AKAP10: variants seen among roughly 807,000 people sequenced by gnomAD.
AKAP10 encodes A-kinase anchoring protein 10.
AKAP10 carries 24 observed loss-of-function variants against 80.8 expected under a neutral mutation model. That is an observed-to-expected ratio of 0.30 (90% CI 0.22 to 0.42). The LOEUF is 0.42. AKAP10 is among the 10% of genes least tolerant of loss of function. The pLI is 1.00. For synonymous variants in AKAP10, 291 were observed against 277.7 expected (o/e 1.05, Z -0.48); for missense variants, 661 against 794.9 (o/e 0.83, Z 2.03).
chr17:19,944,643 C>T (rs1021939484), intron 5 of AKAP10, among the ~76,000 whole-genome samples: 6 of 152,160 alleles, frequency 3.9e-5, no homozygotes, highest in African/African-American at 1.4e-4. Context: ...GAGAGTGAGA[C>T]TCCGTCTCAA....
chr17:19,943,674 A>G (rs1452190865), intron 5 of AKAP10, among the ~76,000 whole-genome samples: 1 of 152,252 alleles, frequency 6.6e-6, no homozygotes, highest in African/African-American at 2.4e-5. Flanking sequence ...GAGCTGCTCT[A>G]GCAAATTTAT....
At chr17:19,939,592 T>A in intron 8 of AKAP10, 121 bp downstream of exon 8, 1 of 1,192,486 alleles carries the variant, frequency 8.4e-7, no homozygotes, top group African/African-American at 1.6e-5. Flanking sequence ...TAAAAGCAGC[T>A]TTTATGCTGC....
intron 12 of AKAP10, among the ~76,000 whole-genome samples, chr17:19,911,194 G>T (rs1022737799): frequency 6.6e-6 from 1 of 152,040 alleles, no homozygotes; most frequent in Non-Finnish European, 1.5e-5. Context: ...CTGCATGAAG[G>T]CTCAACTGGC....
intron 2 of AKAP10, among the ~76,000 whole-genome samples, chr17:19,967,307 TAAAC>T (rs1030191699): frequency 2.0e-5 from 3 of 152,024 alleles, no homozygotes; most frequent in African/African-American, 4.8e-5. Context: ...CAACAAAAAA[TAAAC>T]AAAATATATT....
At chr17:19,950,339 G>A (rs2043185548) in intron 4 of AKAP10, among the ~76,000 whole-genome samples, 2 of 152,244 alleles carry the variant, frequency 1.3e-5, no homozygotes, top group Admixed American at 6.5e-5. Context: ...GTCTCCCTCT[G>A]ATGCCACCAA....
At chr17:19,928,747 A>G (rs169414) in intron 10 of AKAP10, among the ~76,000 whole-genome samples, 64,978 of 151,812 alleles carry the variant, frequency 0.43, 14,741 homozygotes, top group African/African-American at 0.58. Flanking sequence ...GTGCGTGCCT[A>G]TAGTCCCAGA....
chr17:19,919,555 G>A (rs1597491905), intron 12 of AKAP10, among the ~76,000 whole-genome samples: 2 of 151,694 alleles, frequency 1.3e-5, no homozygotes, highest in African/African-American at 2.4e-5. Context: ...GTGGTGGTGC[G>A]CACTTGTAGT....
intron 5 of AKAP10, among the ~76,000 whole-genome samples, chr17:19,946,237 T>TTATATA (rs1171891537): frequency 3.4e-3 from 51 of 15,122 alleles, no homozygotes; most frequent in Non-Finnish European, 3.9e-3. Context: ...TATATATATA[T>TTATATA]TATATATATA....
At chr17:19,909,117 CT>C (rs969732093) in intron 14 of AKAP10, 63 bp downstream of exon 14, 3 of 1,438,858 alleles carry the variant, frequency 2.1e-6, no homozygotes, top group Non-Finnish European at 2.8e-6. Flanking sequence ...CCCTTATGTT[CT>C]TTTTTATTTT....
In AKAP10 at chr17:19,910,325, C is replaced by CAAAAAAAA. The variant is rs3031068; in HGVS notation, c.1835-355_1835-348dup. The stretch of plus-strand genomic sequence containing the variant: ...TGGGCAACAGAGCGAGACTCCAACT[C>CAAAAAAAA]AAAAAAAAAAAAAAAAACCACTATC... On this transcript the variant is annotated intron_variant, in intron 12 of 14. Coordinates refer to ENST00000225737, the MANE Select transcript of AKAP10 (RefSeq NM_007202.4). Among the ~76,000 whole-genome samples the CAAAAAAAA allele has an allele frequency of 4.7e-3, 426 of 90,604 alleles. 14 individuals are homozygous for CAAAAAAAA. The highest frequency in any genetic ancestry group is 0.019 in the Middle Eastern group (3 of 154). 59.4% of individuals were successfully genotyped at this position (90,604 alleles called of 152,430 possible).
Position 19,924,438 on chromosome 17 carries a change from G to A in AKAP10, c.1721C>T (p.Pro574Leu), listed in dbSNP as rs1032348955. 1.9e-6 allele frequency: 3 copies of A among 1,604,634 alleles called. No individual in the cohort carries two copies. The highest frequency in any genetic ancestry group is 2.6e-6 in the Non-Finnish European group (3 of 1,174,748). The change falls in exon 11 of 15, where the codon CCA (proline) becomes CTA (leucine). Residue 574 changes from proline (P) to leucine (L), a missense_variant. By Grantham distance (98) the Pro-to-Leu change is moderately conservative. Coordinates refer to ENST00000225737, the MANE Select transcript of AKAP10 (RefSeq NM_007202.4). ...ATATGTCCGTTGATATAAAGATTCT[G>A]GATCCAGACTTGCCGCATCCACAAT... is the stretch of plus-strand genomic sequence containing the variant. ...AIIVDAASLDPESLYQRTYAG... is the reference protein window; with the variant it reads ...AIIVDAASLDLESLYQRTYAG...
chr17:19,977,801 A>AT lies in AKAP10; in HGVS notation c.-123dup, dbSNP rs1355094445. Reference sequence around the variant, plus strand: ...ATGCCCAGGCAGCTCCAGCCGCCATATTATCAACAAGCCGCCCGCCCGGAG... The same window carrying AT: ...ATGCCCAGGCAGCTCCAGCCGCCATATTTATCAACAAGCCGCCCGCCCGGAG... On this transcript the variant is annotated 5_prime_UTR_variant, in exon 1 of 15. Coordinates refer to ENST00000225737, the MANE Select transcript of AKAP10 (RefSeq NM_007202.4). 1 of 532,530 alleles carries AT rather than the reference A, an allele frequency of 1.9e-6. No homozygotes were observed. The highest frequency in any genetic ancestry group is 3.5e-5 in the East Asian group (1 of 28,666). 33.0% of individuals were successfully genotyped at this position (532,530 alleles called of 1,614,324 possible). A position where few individuals can be genotyped will look rare whatever the true frequency, so the allele number is the denominator to read the frequency against.
chr17:19,909,043 T>C, intron 14 of AKAP10, 138 bp downstream of exon 14: 1 of 659,594 alleles, frequency 1.5e-6, no homozygotes, highest in Admixed American at 3.4e-5. Flanking sequence ...GTTTGTCAAT[T>C]TTCTAGTTGC....
intron 4 of AKAP10, among the ~76,000 whole-genome samples, chr17:19,949,558 T>G (rs915093066): frequency 1.3e-5 from 2 of 151,090 alleles, no homozygotes; most frequent in African/African-American, 4.9e-5. Flanking sequence ...AATCACAAGG[T>G]CAAGAAATCG....
At chr17:19,946,797 G>A (rs1325430819) in intron 5 of AKAP10, among the ~76,000 whole-genome samples, 2 of 151,694 alleles carry the variant, frequency 1.3e-5, no homozygotes, top group Non-Finnish European at 2.9e-5. Flanking sequence ...ATGACACTGT[G>A]TGTGGCACAA....
intron 10 of AKAP10, among the ~76,000 whole-genome samples, chr17:19,925,077 T>C (rs2042862343): frequency 6.6e-6 from 1 of 151,980 alleles, no homozygotes; most frequent in African/African-American, 2.4e-5. Context: ...GACATGAGAA[T>C]CACTTGAGCC....
At chr17:19,913,696 G>A (rs1387791056) in intron 12 of AKAP10, among the ~76,000 whole-genome samples, 1 of 152,228 alleles carries the variant, frequency 6.6e-6, no homozygotes, top group Non-Finnish European at 1.5e-5. Flanking sequence ...GGATTGAGAA[G>A]AGAATGGCCT....
In AKAP10 at chr17:19,963,011, C is replaced by T. The variant is rs760785038; in HGVS notation, c.148G>A (p.Val50Ile). 3.7e-6 allele frequency: 6 copies of T among 1,607,022 alleles called. No homozygotes were observed. The highest frequency in any genetic ancestry group is 2.2e-5 in the East Asian group (1 of 44,746). ...TTAGTGCTTTTTTGTGGGGAATGTA[C>T]GGATATTGAAGCTATAATTTTTCAA... ...DVKSIKASIS[V>I]HSPQKSTKNH... Residue 50 changes from valine to isoleucine, a missense_variant, in exon 3 of 15, where the codon GTA becomes ATA. Physicochemically the swap from Val to Ile is conservative, Grantham distance 29. Coordinates refer to ENST00000225737, the MANE Select transcript of AKAP10 (RefSeq NM_007202.4).
intron 5 of AKAP10, chr17:19,947,110 G>C: frequency 2.9e-6 from 1 of 347,940 alleles, no homozygotes; most frequent in Non-Finnish European, 5.3e-6. Context: ...CAGTCCATCC[G>C]GTGGTCTGTG....
Sources: allele counts gnomAD v4.1 joint callset (sites outside exome capture counted in the v4.1 genomes callset), GRCh38; gene constraint gnomAD v4.1.1; transcripts MANE v1.5; gene names NCBI Gene and HGNC (gene_info 2026-07-23, HGNC 2026-07-21).